TBC1D1: variants seen among roughly 807,000 people sequenced by gnomAD.
TBC1D1 encodes TBC1 domain family member 1.
A neutral mutation model predicts 125.6 loss-of-function variants in TBC1D1; 89 were observed. The observed-to-expected ratio is 0.71, with a 90% CI of 0.60 to 0.85. The LOEUF (loss-of-function observed/expected upper bound fraction) is 0.85. TBC1D1 is among the 40% of genes least tolerant of loss of function. The probability of loss-of-function intolerance (pLI) is 0.00; values close to 1 mark genes in which losing one functional copy is unlikely to be tolerated. For synonymous variants in TBC1D1, 565 were observed against 564.1 expected, an observed-to-expected ratio of 1.00 and a Z score of -0.02; for missense variants, 1,377 against 1,469.2, an observed-to-expected ratio of 0.94 and a Z score of 1.03.
chr4:38,049,686 G>A lies in TBC1D1; in HGVS notation c.1698G>A (p.Ser566=), dbSNP rs989189559. 8.7e-6 allele frequency: 14 copies of A among 1,614,094 alleles called. No individual in the cohort carries two copies. The highest frequency in any genetic ancestry group is 1.7e-4 in the Middle Eastern group (1 of 6,058). The change falls in exon 11 of 20, where the codon TCG becomes TCA. Residue 566 remains serine, a synonymous_variant. Coordinates refer to ENST00000261439, the MANE Select transcript of TBC1D1 (RefSeq NM_015173.4). ...GCTCCTTTAAGCTCCTCGGCTCCTCGGAGGACCTGTCCAGTGACTCGGAGA... is the reference window on the plus strand; with the variant it reads ...GCTCCTTTAAGCTCCTCGGCTCCTCAGAGGACCTGTCCAGTGACTCGGAGA...
intron 12 of TBC1D1, among the ~76,000 whole-genome samples, chr4:38,073,227 C>T (rs986650970): frequency 3.0e-4 from 46 of 152,170 alleles, no homozygotes; most frequent in Admixed American, 2.3e-3. Context: ...TTTTACATTC[C>T]CACCAACAGT....
At chr4:38,069,650 G>A (rs1232438591) in intron 12 of TBC1D1, among the ~76,000 whole-genome samples, 12 of 152,086 alleles carry the variant, frequency 7.9e-5, no homozygotes, top group African/African-American at 2.4e-4. Flanking sequence ...CCAACCCCCA[G>A]ATCTGTATGA....
chr4:38,044,027 G>A (rs1748931989), intron 8 of TBC1D1, among the ~76,000 whole-genome samples: 1 of 152,216 alleles, frequency 6.6e-6, no homozygotes, highest in Admixed American at 6.5e-5. Context: ...TACTGAAGAG[G>A]AAGTTTGAGG....
In TBC1D1 at chr4:38,045,834, C is replaced by G. The variant is rs1025503505; in HGVS notation, c.1560C>G (p.Gly520=). ...TTATGTAGGGTAATAAAGCCAGAGGCCTGCAGGAACACTCCATCAGTGTGG... is the reference window on the plus strand; with the variant it reads ...TTATGTAGGGTAATAAAGCCAGAGGGCTGCAGGAACACTCCATCAGTGTGG... The change falls in exon 10 of 20, where the codon GGC becomes GGG. Residue 520 remains glycine (G), a synonymous_variant. Coordinates refer to ENST00000261439, the MANE Select transcript of TBC1D1 (RefSeq NM_015173.4). 3 of 1,613,976 alleles carry G rather than the reference C, an allele frequency of 1.9e-6. No individual in the cohort carries two copies. The highest frequency in any genetic ancestry group is 1.1e-5 in the South Asian group (1 of 91,086).
chr4:38,054,169 A>T, intron 11 of TBC1D1, 30 bp from the exon 14 acceptor site: 1 of 1,606,618 alleles, frequency 6.2e-7, no homozygotes, highest in East Asian at 2.2e-5. Flanking sequence ...CCTCCCCACT[A>T]GTCATAAATC....
At chr4:37,958,326 G>T (rs1003939848) in intron 2 of TBC1D1, among the ~76,000 whole-genome samples, 5 of 152,180 alleles carry the variant, frequency 3.3e-5, no homozygotes, top group African/African-American at 1.2e-4. Context: ...TGGCAATCAA[G>T]AACCTTGACC....
chr4:37,997,778 C>CA (rs1738130653), intron 2 of TBC1D1, among the ~76,000 whole-genome samples: 1 of 144,410 alleles, frequency 6.9e-6, no homozygotes, highest in Non-Finnish European at 1.5e-5. Flanking sequence ...TATACATTTA[C>CA]TTTTTTTTTT....
chr4:38,118,873 C>T (rs1218225692), intron 17 of TBC1D1, among the ~76,000 whole-genome samples: 2 of 152,188 alleles, frequency 1.3e-5, no homozygotes, highest in Admixed American at 1.3e-4. Flanking sequence ...AGAACATTGT[C>T]AAAGTTAGGT....
Position 38,110,495 on chromosome 4 carries a change from C to T in TBC1D1, c.2558-5215C>T, listed in dbSNP as rs1407546003. The stretch of plus-strand genomic sequence containing the variant: ...TAGATGAGCAAAATTTTGTGGAGCA[C>T]TTCATGAAGAGGAATTACTAGGTCA... On this transcript the variant is annotated intron_variant, in intron 15 of 19. Coordinates refer to ENST00000261439, the MANE Select transcript of TBC1D1 (RefSeq NM_015173.4). 3 of 985,236 alleles carry T rather than the reference C, an allele frequency of 3.0e-6. No individual in the cohort carries two copies. The African/African-American group carries it at 5.2e-5, about 17-fold the overall frequency. The allele number at this position is 985,236 out of a possible 1,614,324, so 61.0% of individuals were successfully genotyped here.
At chr4:38,109,404 G>A (rs541915223) in intron 15 of TBC1D1, among the ~76,000 whole-genome samples, 1 of 152,242 alleles carries the variant, frequency 6.6e-6, no homozygotes, top group South Asian at 2.1e-4. Context: ...GAATAAAGTG[G>A]GGTATGATTT....
At chr4:38,062,246 C>T (rs62299981) in intron 12 of TBC1D1, among the ~76,000 whole-genome samples, 1 of 151,846 alleles carries the variant, frequency 6.6e-6, no homozygotes, top group Non-Finnish European at 1.5e-5. Context: ...TTGTTTCTTT[C>T]CAATCCCGGA....
intron 19 of TBC1D1, among the ~76,000 whole-genome samples, chr4:38,136,733 G>A (rs1578892865): frequency 6.6e-6 from 1 of 152,138 alleles, no homozygotes; most frequent in Admixed American, 6.5e-5. Context: ...ACAAGTCTCC[G>A]AGGCTTGGCA....
chr4:37,896,024 G>C (rs954168874), intron 1 of TBC1D1, among the ~76,000 whole-genome samples: 1 of 151,906 alleles, frequency 6.6e-6, no homozygotes, highest in Non-Finnish European at 1.5e-5. Context: ...ATTCTGTTCA[G>C]GTGCATGCTC....
chr4:37,900,427 T>G (rs1426407200), intron 1 of TBC1D1, among the ~76,000 whole-genome samples: 1 of 151,284 alleles, frequency 6.6e-6, no homozygotes, highest in Non-Finnish European at 1.5e-5. Context: ...TTTTTTCGAT[T>G]GGAGAGACCT....
intron 1 of TBC1D1, 49 bp downstream of exon 1, chr4:37,891,397 C>CG (rs1179880564): frequency 2.6e-5 from 4 of 152,316 alleles, no homozygotes; most frequent in African/African-American, 9.7e-5. Flanking sequence ...TGGCTCCTCT[C>CG]GGGGCGTCGC....
At chr4:38,050,193 G>A (rs1353926462) in intron 11 of TBC1D1, among the ~76,000 whole-genome samples, 1 of 152,198 alleles carries the variant, frequency 6.6e-6, no homozygotes, top group Non-Finnish European at 1.5e-5. Flanking sequence ...CTTTGCTGCT[G>A]TGAGGAAGAG....
intron 15 of TBC1D1, among the ~76,000 whole-genome samples, chr4:38,112,807 C>T (rs1365386013): frequency 2.6e-5 from 4 of 152,198 alleles, no homozygotes; most frequent in East Asian, 1.9e-4. Context: ...CAGTGCCTGT[C>T]GAGCGGGTCC....
intron 8 of TBC1D1, among the ~76,000 whole-genome samples, chr4:38,039,104 C>CTT (rs776941680): frequency 0.057 from 2,915 of 51,518 alleles, 1,005 homozygotes; most frequent in Non-Finnish European, 0.083. Context: ...GCATCATACT[C>CTT]TTTTTTTTTT....
chr4:38,126,793 T>G (rs573829756), intron 18 of TBC1D1, among the ~76,000 whole-genome samples: 1 of 152,244 alleles, frequency 6.6e-6, no homozygotes, highest in South Asian at 2.1e-4. Flanking sequence ...TGACCCACAC[T>G]CACTCTGCTG....
Sources: gnomAD v4.1 joint callset for allele counts (sites outside exome capture counted in the v4.1 genomes callset) on GRCh38, gnomAD v4.1.1 for gene constraint, MANE v1.5 for transcripts, NCBI Gene and HGNC (gene_info 2026-07-23, HGNC 2026-07-21) for gene names.